The following EBF1 variants were observed in gnomAD, a reference collection of about 807,000 sequenced individuals.
EBF1 encodes the protein EBF transcription factor 1.
In EBF1, 10 loss-of-function variants were observed where a neutral mutation model predicts 68.4. The ratio of observed to expected loss-of-function variants is 0.15; its 90% CI spans 0.09 to 0.25. The LOEUF (loss-of-function observed/expected upper bound fraction) is 0.25. EBF1 is among the 10% of genes least tolerant of loss of function. The pLI, the probability that EBF1 is intolerant of heterozygous loss-of-function variation, is 1.00. For synonymous variants in EBF1, 298 were observed against 299.8 expected (o/e 0.99, Z 0.06); for missense variants, 509 against 794.4 (o/e 0.64, Z 4.32).
intron 7 of EBF1, among the ~76,000 whole-genome samples, chr5:158,832,739 G>A (rs1251588150): frequency 2.6e-5 from 4 of 152,070 alleles, no homozygotes; most frequent in South Asian, 2.1e-4. Flanking sequence ...TAAAACATAC[G>A]GATCCAGAGA....
At chr5:158,929,912 T>C (rs772174393) in intron 6 of EBF1, among the ~76,000 whole-genome samples, 46 of 152,320 alleles carry the variant, frequency 3.0e-4, no homozygotes, top group South Asian at 2.9e-3. Flanking sequence ...CTACACCTTT[T>C]TTGTTGTTTG....
At chr5:158,799,568 G>A (rs890662119) in intron 8 of EBF1, among the ~76,000 whole-genome samples, 5 of 152,166 alleles carry the variant, frequency 3.3e-5, no homozygotes, top group African/African-American at 1.2e-4. Flanking sequence ...AAGAGAATCA[G>A]GCCCAAGAGC....
chr5:158,763,505 ACC>A (rs1771963438), intron 10 of EBF1, among the ~76,000 whole-genome samples: 1 of 151,986 alleles, frequency 6.6e-6, no homozygotes, highest in Admixed American at 6.6e-5. Context: ...GGTCAAGAAA[ACC>A]CCCTTCTTTT....
intron 6 of EBF1, among the ~76,000 whole-genome samples, chr5:158,859,291 A>G (rs1794593085): frequency 6.6e-6 from 1 of 151,988 alleles, no homozygotes; most frequent in Non-Finnish European, 1.5e-5. Flanking sequence ...TAGCTCAACC[A>G]TTCCTTTTGC....
chr5:158,846,474 C>A (rs778749619), intron 6 of EBF1, among the ~76,000 whole-genome samples: 1 of 152,202 alleles, frequency 6.6e-6, no homozygotes, highest in Non-Finnish European at 1.5e-5. Context: ...CCCTACCCAG[C>A]CCACCTGAGC....
In EBF1 at chr5:159,098,730, A is replaced by G. The variant is rs1196806558; in HGVS notation, c.134+615T>C. 2.0e-5 allele frequency among the ~76,000 whole-genome samples: 3 copies of G among 150,068 alleles called. 1 individual carries two copies. The highest frequency in any genetic ancestry group is 3.0e-5 in the Non-Finnish European group (2 of 67,560). On this transcript the variant is annotated intron_variant, in intron 1 of 15. Coordinates refer to ENST00000313708, the MANE Select transcript of EBF1 (RefSeq NM_024007.5). The stretch of plus-strand genomic sequence containing the variant: ...GGAAGAGAGACAGGAAAGAACGAAG[A>G]ACGAAAGAAATGGAAGGAGGGAAGA...
intron 6 of EBF1, among the ~76,000 whole-genome samples, chr5:158,863,901 A>G (rs1795398228): frequency 6.6e-6 from 1 of 152,048 alleles, no homozygotes; most frequent in South Asian, 2.1e-4. Flanking sequence ...CAGCAGATGC[A>G]GAGACTCCTC....
chr5:158,762,087 A>G (rs757656868), intron 10 of EBF1, among the ~76,000 whole-genome samples: 1 of 152,200 alleles, frequency 6.6e-6, no homozygotes, highest in Admixed American at 6.5e-5. Flanking sequence ...GCAGTGCACA[A>G]TTTATACCTC....
chr5:158,907,750 G>A (rs1029017477), intron 6 of EBF1, among the ~76,000 whole-genome samples: 1 of 149,324 alleles, frequency 6.7e-6, no homozygotes, highest in African/African-American at 2.5e-5. Flanking sequence ...AGCAATTAAT[G>A]TCAACAATAT....
At chr5:159,023,413 C>T (rs1767110474) in intron 6 of EBF1, among the ~76,000 whole-genome samples, 1 of 152,118 alleles carries the variant, frequency 6.6e-6, no homozygotes, top group Non-Finnish European at 1.5e-5. Context: ...GAAATTTAAA[C>T]CCAATTCTGT....
intron 6 of EBF1, chr5:158,986,822 ATAT>A (rs1759188151): frequency 6.6e-6 from 1 of 152,240 alleles, no homozygotes; most frequent in East Asian, 1.9e-4. Context: ...ATTCAACCAA[ATAT>A]TAGTAATTAT....
intron 6 of EBF1, among the ~76,000 whole-genome samples, chr5:158,972,300 C>A (rs1319401000): frequency 1.3e-5 from 2 of 152,160 alleles, no homozygotes; most frequent in African/African-American, 4.8e-5. Context: ...GCCCATATTA[C>A]CCACGTACTG....
chr5:158,714,225 G>C, intron 11 of EBF1, 43 bp from the exon 12 acceptor site: 1 of 1,607,106 alleles, frequency 6.2e-7, no homozygotes, highest in South Asian at 1.1e-5. Context: ...GTGAAGGCAG[G>C]TTGTCGTTAT....
At chr5:158,838,377 C>A (rs1368861949) in intron 7 of EBF1, among the ~76,000 whole-genome samples, 1 of 141,746 alleles carries the variant, frequency 7.1e-6, no homozygotes, top group Admixed American at 7.5e-5. Flanking sequence ...ACCCGGGAGG[C>A]AGAGCTTGCA....
chr5:159,049,380 T>G (rs1773076585), intron 6 of EBF1, among the ~76,000 whole-genome samples: 1 of 152,136 alleles, frequency 6.6e-6, no homozygotes, highest in Non-Finnish European at 1.5e-5. Context: ...GCTTGTGAGA[T>G]TCTTAAAACT....
In EBF1 at chr5:158,966,744, C is replaced by T. The variant is rs559040988; in HGVS notation, c.554+106652G>A. Among the ~76,000 whole-genome samples, 25 of 152,280 alleles carry T rather than the reference C, an allele frequency of 1.6e-4. 1 individual carries two copies. In the South Asian group the frequency reaches 5.2e-3, roughly 32 times the overall value. ...CCCCCATCTCAGTTAAACTTGTCCCCCCGAAAGACAGCCACCTGGCTTGGT... is the reference window on the plus strand; with the variant it reads ...CCCCCATCTCAGTTAAACTTGTCCCTCCGAAAGACAGCCACCTGGCTTGGT... On this transcript the variant is annotated intron_variant, in intron 6 of 15. Transcript: ENST00000313708.
At chr5:158,730,978 T>C (rs1038670576) in intron 11 of EBF1, 91 bp downstream of exon 11, 11 of 1,186,938 alleles carry the variant, frequency 9.3e-6, no homozygotes, top group Non-Finnish European at 1.3e-5. Context: ...ATGAGTTGTT[T>C]ACCTGTGAAC....
intron 6 of EBF1, among the ~76,000 whole-genome samples, chr5:158,937,533 G>C (rs77074258): frequency 6.6e-6 from 1 of 152,342 alleles, no homozygotes; most frequent in East Asian, 1.9e-4. Context: ...GCACACCGAT[G>C]AAGGGAAAGA....
chr5:158,736,368 T>C (rs574090777), intron 10 of EBF1, among the ~76,000 whole-genome samples: 2 of 152,358 alleles, frequency 1.3e-5, no homozygotes, highest in African/African-American at 2.4e-5. Flanking sequence ...CATTCCAACA[T>C]TGGCTTACAG....
Sources: allele counts gnomAD v4.1 joint callset (sites outside exome capture counted in the v4.1 genomes callset), GRCh38; gene constraint gnomAD v4.1.1; transcripts MANE v1.5; gene names NCBI Gene and HGNC (gene_info 2026-07-23, HGNC 2026-07-21).